The following ZSWIM5 variants were observed in gnomAD, a reference collection of about 807,000 sequenced individuals.
The protein encoded by ZSWIM5 is zinc finger SWIM domain-containing protein 5.
ZSWIM5 carries 55 observed loss-of-function variants against 119.6 expected under a neutral mutation model. The ratio of observed to expected loss-of-function variants is 0.46; its 90% CI spans 0.37 to 0.58. ZSWIM5 has a LOEUF of 0.58. Among genes scored for constraint, ZSWIM5 ranks in the 20% least tolerant of loss-of-function variants. The pLI, the probability that ZSWIM5 is intolerant of heterozygous loss-of-function variation, is 0.00. For synonymous variants in ZSWIM5, 537 were observed against 606.9 expected, an observed-to-expected ratio of 0.88 and a Z score of 1.69; for missense variants, 1,193 against 1,512.8, an observed-to-expected ratio of 0.79 and a Z score of 3.51.
At chr1:45,040,332 C>T (rs1645011485) in intron 7 of ZSWIM5, 60 bp downstream of exon 7, 2 of 1,474,534 alleles carry the variant, frequency 1.4e-6, no homozygotes, top group South Asian at 1.5e-5. Flanking sequence ...GCCTTGTATC[C>T]CCTGAGGATC....
chr1:45,135,109 C>T (rs1645681264), intron 1 of ZSWIM5, among the ~76,000 whole-genome samples: 1 of 126,092 alleles, frequency 7.9e-6, no homozygotes, highest in Non-Finnish European at 1.6e-5. Flanking sequence ...ATTGCTAGAT[C>T]ATACGGTAAT....
intron 1 of ZSWIM5, among the ~76,000 whole-genome samples, chr1:45,168,945 A>G (rs1445094681): frequency 6.6e-6 from 1 of 152,064 alleles, no homozygotes. Context: ...ATTTTATCTT[A>G]CCTGCCTGGT....
intron 11 of ZSWIM5, among the ~76,000 whole-genome samples, chr1:45,024,224 C>T (rs1553187025): frequency 7.5e-6 from 1 of 132,634 alleles, no homozygotes; most frequent in Non-Finnish European, 1.6e-5. Context: ...GAGTCTCGGT[C>T]TTGTCGCCCA....
chr1:45,039,514 T>C (rs957670606), intron 7 of ZSWIM5, among the ~76,000 whole-genome samples: 1 of 151,540 alleles, frequency 6.6e-6, no homozygotes, highest in Non-Finnish European at 1.5e-5. Context: ...GCCTCCAGAG[T>C]AGCTGGGACT....
chr1:45,071,846 A>G (rs1645224168), intron 2 of ZSWIM5, among the ~76,000 whole-genome samples: 1 of 152,170 alleles, frequency 6.6e-6, no homozygotes, highest in African/African-American at 2.4e-5. Context: ...ATGGACACTT[A>G]GGATGGTTCC....
chr1:45,151,038 C>G (rs1177685198), intron 1 of ZSWIM5, among the ~76,000 whole-genome samples: 1 of 152,140 alleles, frequency 6.6e-6, no homozygotes, highest in Non-Finnish European at 1.5e-5. Flanking sequence ...GTCTTCTATG[C>G]CCTGTCACTC....
In ZSWIM5 at chr1:45,068,145, C is replaced by G. The variant is rs1341148108; in HGVS notation, c.953-7898G>C. Among the ~76,000 whole-genome samples, 4 of 146,112 alleles carry G rather than the reference C, an allele frequency of 2.7e-5. No homozygotes were observed. The East Asian group carries it at 6.0e-4, about 22-fold the overall frequency. On this transcript the variant is annotated intron_variant, in intron 2 of 13. Transcript: ENST00000359600. ...TGAGATGGAGTCTTACTCTATTGCC[C>G]AGGCTGGAGTGCAGTGGTGTGATCT...
At chr1:45,112,658 T>G (rs562944468) in intron 1 of ZSWIM5, among the ~76,000 whole-genome samples, 1 of 152,356 alleles carries the variant, frequency 6.6e-6, no homozygotes, top group East Asian at 1.9e-4. Context: ...CTTCCCTAAG[T>G]GTAGTAACTC....
At chr1:45,029,489 G>C (rs1644939271) in intron 11 of ZSWIM5, among the ~76,000 whole-genome samples, 3 of 152,172 alleles carry the variant, frequency 2.0e-5, no homozygotes, top group Non-Finnish European at 4.4e-5. Context: ...TATTAACTGT[G>C]ATCAGTTGAT....
At chr1:45,064,747 G>A (rs1461735141) in intron 2 of ZSWIM5, among the ~76,000 whole-genome samples, 1 of 152,072 alleles carries the variant, frequency 6.6e-6, no homozygotes, top group Non-Finnish European at 1.5e-5. Context: ...AACTCTATGA[G>A]GCCATATTAT....
At chr1:45,069,173 T>C (rs1466808802) in intron 2 of ZSWIM5, among the ~76,000 whole-genome samples, 1 of 151,966 alleles carries the variant, frequency 6.6e-6, no homozygotes, top group Admixed American at 6.6e-5. Flanking sequence ...ATGCCTGTAA[T>C]CCCAGCACTT....
At chr1:45,073,249 A>ATTTTT (rs58448888) in intron 2 of ZSWIM5, among the ~76,000 whole-genome samples, 1 of 56,052 alleles carries the variant, frequency 1.8e-5, no homozygotes, top group African/African-American at 8.0e-5. Context: ...TTGCTACTGA[A>ATTTTT]TTTTTTTTTT....
Position 45,088,383 on chromosome 1 carries a change from G to T in ZSWIM5, c.596-146C>A. 1.6e-6 allele frequency: 1 copy of T among 615,568 alleles called. No homozygotes were observed. Among genetic ancestry groups the T allele is most frequent in the Non-Finnish European group, 2.7e-6 (1 of 364,668 alleles). The allele number at this position is 615,568 out of a possible 1,614,324, so 38.1% of individuals were successfully genotyped here. A position where few individuals can be genotyped will look rare whatever the true frequency, so the allele number is the denominator to read the frequency against. ...TGATAGGCTTTGCCACAGACACAGAGGTCAATGAAATTCAGTTACTGCTCT... is the reference window on the plus strand; with the variant it reads ...TGATAGGCTTTGCCACAGACACAGATGTCAATGAAATTCAGTTACTGCTCT... On this transcript the variant is annotated intron_variant, in intron 1 of 13. Transcript: ENST00000359600. The surrounding 1 kb of genome is among the most constrained non-coding windows in gnomAD (Gnocchi z 4.2).
intron 2 of ZSWIM5, among the ~76,000 whole-genome samples, chr1:45,066,216 T>C (rs1403800135): frequency 2.6e-5 from 4 of 151,798 alleles, no homozygotes. Flanking sequence ...GGCTGTATAG[T>C]ATTCCCCCCC....
At chr1:45,181,760 G>C (rs532449210) in intron 1 of ZSWIM5, among the ~76,000 whole-genome samples, 7 of 152,208 alleles carry the variant, frequency 4.6e-5, no homozygotes, top group Admixed American at 6.6e-5. Context: ...AGCCAGAAGA[G>C]AGTGGGGGCC....
At chr1:45,065,289 T>C (rs754087422) in intron 2 of ZSWIM5, among the ~76,000 whole-genome samples, 20 of 152,186 alleles carry the variant, frequency 1.3e-4, no homozygotes, top group Non-Finnish European at 2.2e-4. Context: ...AGGGCAGAGA[T>C]GGTTTGAATA....
At chr1:45,051,040 A>G (rs771184586) in intron 5 of ZSWIM5, 34 bp downstream of exon 5, 4 of 1,589,212 alleles carry the variant, frequency 2.5e-6, no homozygotes, top group Non-Finnish European at 3.4e-6. Context: ...TTGAAGTTCC[A>G]GGTACAAAGA....
chr1:45,138,894 CT>C (rs34851118), intron 1 of ZSWIM5, among the ~76,000 whole-genome samples: 253 of 140,500 alleles, frequency 1.8e-3, no homozygotes, highest in Middle Eastern at 3.7e-3. Context: ...TTTTCTTTTT[CT>C]TTTTTTTTTT....
chr1:45,076,713 G>A (rs977185522), intron 2 of ZSWIM5, among the ~76,000 whole-genome samples: 7 of 151,784 alleles, frequency 4.6e-5, no homozygotes, highest in Admixed American at 1.3e-4. Flanking sequence ...CTTTCTCTAC[G>A]TCGTCTCTAA....
Sources: gnomAD v4.1 joint callset for allele counts (sites outside exome capture counted in the v4.1 genomes callset) on GRCh38, gnomAD v4.1.1 for gene constraint, Gnocchi (gnomAD v3.1) non-coding constraint, MANE v1.5 for transcripts, NCBI Gene and HGNC (gene_info 2026-07-23, HGNC 2026-07-21) for gene names.